The following TOX variants were observed in gnomAD, a reference collection of about 807,000 sequenced individuals.
TOX encodes thymocyte selection-associated high mobility group box protein TOX.
Under a neutral mutation model 53.7 loss-of-function variants are expected in TOX, and 11 were observed. The ratio of observed to expected loss-of-function variants is 0.20; its 90% CI spans 0.13 to 0.34. The LOEUF is 0.34. Among genes scored for constraint, TOX ranks in the 10% least tolerant of loss-of-function variants. The pLI is 1.00. For synonymous variants in TOX, 225 were observed against 245.3 expected (o/e 0.92, Z 0.77); for missense variants, 570 against 664.6 (o/e 0.86, Z 1.56).
intron 3 of TOX, among the ~76,000 whole-genome samples, chr8:58,903,720 C>G (rs949384259): frequency 1.3e-5 from 2 of 152,130 alleles, no homozygotes; most frequent in African/African-American, 4.8e-5. Flanking sequence ...CCTCAGGGAT[C>G]CCCCTAGTCT....
At position 59,031,520 on chromosome 8, in the gene TOX, C is replaced by G. The variant is rs1446874458; in HGVS notation, c.103-71512G>C. ...AAGATGGGGCATGTATATCCCTGCT[C>G]TCAAGGAGCTTAAATTCTAGTGGGG... On this transcript the variant is annotated intron_variant, in intron 1 of 8. Transcript: ENST00000361421. 3.3e-5 allele frequency among the ~76,000 whole-genome samples: 5 copies of G among 152,192 alleles called. No individual in the cohort carries two copies. The South Asian group carries it at 1.0e-3, about 32-fold the overall frequency.
At chr8:58,816,869 G>A (rs1350229637) in intron 6 of TOX, among the ~76,000 whole-genome samples, 1 of 152,122 alleles carries the variant, frequency 6.6e-6, no homozygotes, top group Non-Finnish European at 1.5e-5. Flanking sequence ...ATGCACGACA[G>A]CGTGAAACTC....
intron 6 of TOX, among the ~76,000 whole-genome samples, chr8:58,823,290 C>T (rs550236342): frequency 7.9e-5 from 12 of 152,232 alleles, no homozygotes; most frequent in South Asian, 6.2e-4. Flanking sequence ...GTGGTACAAT[C>T]TTGGCTCACT....
At position 58,954,940 on chromosome 8, in the gene TOX, T is replaced by G. The variant is rs574181994; in HGVS notation, c.168+5003A>C. The stretch of plus-strand genomic sequence containing the variant: ...GAAGCAGGTGGGAGGTGATGAGTTG[T>G]GGTTTGATGAACTAATATGTTGAAT... On this transcript the variant is annotated intron_variant, in intron 2 of 8. Transcript: ENST00000361421. Among the ~76,000 whole-genome samples, 3 of 152,318 alleles carry G rather than the reference T, an allele frequency of 2.0e-5. No homozygotes were observed. The South Asian group carries it at 6.2e-4, about 32-fold the overall frequency.
rs533215491 is a variant in TOX, at chr8:59,009,092, T to A, written c.103-49084A>T. ...TTTCCTGTTTCCTTCCCTCTCTTCC[T>A]CCCTCCCTTTCTTTCTCCATCCTAC... On this transcript the variant is annotated intron_variant, in intron 1 of 8. Transcript: ENST00000361421. Among the ~76,000 whole-genome samples the A allele has an allele frequency of 7.9e-5, 12 of 151,734 alleles. No homozygotes were observed. In the East Asian group the frequency reaches 1.2e-3, roughly 15 times the overall value.
chr8:58,847,573 C>T (rs1470414043), intron 4 of TOX, among the ~76,000 whole-genome samples: 1 of 151,954 alleles, frequency 6.6e-6, no homozygotes, highest in East Asian at 1.9e-4. Context: ...CTGAGAATAA[C>T]AGCATGAGAA....
At chr8:58,824,036 C>T (rs894259117) in intron 6 of TOX, among the ~76,000 whole-genome samples, 1 of 152,136 alleles carries the variant, frequency 6.6e-6, no homozygotes, top group South Asian at 2.1e-4. Context: ...ATGACCTTAT[C>T]AGAGAGAATG....
chr8:59,092,764 T>C (rs1223801130), intron 1 of TOX, among the ~76,000 whole-genome samples: 1 of 152,124 alleles, frequency 6.6e-6, no homozygotes, highest in Non-Finnish European at 1.5e-5. Flanking sequence ...TTACAGCCTC[T>C]TTTTGTGCTG....
intron 1 of TOX, among the ~76,000 whole-genome samples, chr8:58,988,756 T>A (rs1365162245): frequency 6.6e-6 from 1 of 152,112 alleles, no homozygotes; most frequent in Non-Finnish European, 1.5e-5. Flanking sequence ...GCACAGGAAA[T>A]CTGAGTTGAA....
chr8:58,819,819 G>A (rs896985863), intron 6 of TOX, among the ~76,000 whole-genome samples: 4 of 152,170 alleles, frequency 2.6e-5, no homozygotes, highest in Admixed American at 2.6e-4. Flanking sequence ...TATAAGAGTT[G>A]CTGAACCAAA....
At chr8:58,997,893 C>T (rs1277723591) in intron 1 of TOX, among the ~76,000 whole-genome samples, 6 of 151,960 alleles carry the variant, frequency 3.9e-5, no homozygotes, top group African/African-American at 1.4e-4. Context: ...CCTGGGTTCA[C>T]GCCATTCTCC....
intron 3 of TOX, among the ~76,000 whole-genome samples, chr8:58,905,595 G>A (rs1301715909): frequency 1.3e-5 from 2 of 152,194 alleles, no homozygotes; most frequent in African/African-American, 4.8e-5. Flanking sequence ...ACACTAGGCC[G>A]AAAAGTCCTC....
chr8:59,065,972 C>A (rs1191236596), intron 1 of TOX, among the ~76,000 whole-genome samples: 1 of 152,186 alleles, frequency 6.6e-6, no homozygotes, highest in Non-Finnish European at 1.5e-5. Flanking sequence ...AAACCCAATT[C>A]TGAATGCTGA....
At chr8:58,828,605 G>GAAAAC (rs1384311342) in intron 5 of TOX, among the ~76,000 whole-genome samples, 1 of 151,810 alleles carries the variant, frequency 6.6e-6, no homozygotes, top group Non-Finnish European at 1.5e-5. Flanking sequence ...ATTCACACGT[G>GAAAAC]AAAACAAATA....
At chr8:59,104,066 C>T (rs189378761) in intron 1 of TOX, among the ~76,000 whole-genome samples, 128 of 152,310 alleles carry the variant, frequency 8.4e-4, no homozygotes, top group Admixed American at 2.0e-3. Context: ...GAAAAGCCAT[C>T]AAAAGATAGA....
At chr8:58,988,119 AC>A (rs1305148381) in intron 1 of TOX, among the ~76,000 whole-genome samples, 1 of 152,234 alleles carries the variant, frequency 6.6e-6, no homozygotes, top group Non-Finnish European at 1.5e-5. Context: ...ATGAACAGTC[AC>A]CTGTAACTGT....
chr8:58,935,282 A>T, intron 3 of TOX, among the ~76,000 whole-genome samples: 1 of 152,294 alleles, frequency 6.6e-6, no homozygotes, highest in Middle Eastern at 3.4e-3. Context: ...TACAATAAAT[A>T]ATATAAAAGA....
intron 6 of TOX, among the ~76,000 whole-genome samples, chr8:58,818,850 C>T (rs780787607): frequency 6.6e-6 from 1 of 152,184 alleles, no homozygotes; most frequent in African/African-American, 2.4e-5. Context: ...AGATACACTG[C>T]CCTTTATGCC....
In TOX at chr8:58,848,450, G is replaced by A. The variant is rs549656357; in HGVS notation, c.693+3074C>T. Among the ~76,000 whole-genome samples the A allele has an allele frequency of 9.3e-4, 141 of 152,084 alleles. 1 individual carries two copies. Among genetic ancestry groups the A allele is most frequent in the African/African-American group, 3.2e-3 (132 of 41,524 alleles). On this transcript the variant is annotated intron_variant, in intron 4 of 8. Coordinates refer to ENST00000361421, the MANE Select transcript of TOX (RefSeq NM_014729.3). ...AAAGTAAAAGCTCATTTAACTACAC[G>A]AAATTTATAAGAGACACTCAGATAA...
Sources: allele counts gnomAD v4.1 joint callset (sites outside exome capture counted in the v4.1 genomes callset), GRCh38; gene constraint gnomAD v4.1.1; transcripts MANE v1.5; gene names NCBI Gene and HGNC (gene_info 2026-07-23, HGNC 2026-07-21).